The following UBLCP1 variants were observed in gnomAD, a reference collection of about 807,000 sequenced individuals.
UBLCP1 encodes ubiquitin like domain containing CTD phosphatase 1.
UBLCP1 carries 28 observed loss-of-function variants against 42.4 expected under a neutral mutation model. That is an observed-to-expected ratio of 0.66 (90% CI 0.49 to 0.90). The LOEUF is 0.90. Among genes scored for constraint, UBLCP1 ranks in the 40% least tolerant of loss-of-function variants. UBLCP1 has a pLI of 0.00. For synonymous variants in UBLCP1, 122 were observed against 120.8 expected (o/e 1.01, Z -0.07); for missense variants, 279 against 374.5 (o/e 0.75, Z 2.10).
intron 7 of UBLCP1, among the ~76,000 whole-genome samples, 177 bp from the exon 8 acceptor site, chr5:159,274,971 G>T (rs188077111): frequency 6.6e-6 from 1 of 152,000 alleles, no homozygotes; most frequent in Admixed American, 6.5e-5. Flanking sequence ...ATTTTCCTTG[G>T]TTTACCATTT....
At position 159,269,943 on chromosome 5, in the gene UBLCP1, C is replaced by T. The variant is rs748322031; in HGVS notation, c.190C>T (p.Leu64Phe). Reference protein sequence around the residue: ...PAENDVKLGALKLKPNTKIMM... With the variant: ...PAENDVKLGAFKLKPNTKIMM... Reference sequence around the variant, plus strand: ...AGAAAATGATGTTAAGCTTGGAGCTCTCAAACTGAAACCAAATACTAAAAT... The same window carrying T: ...AGAAAATGATGTTAAGCTTGGAGCTTTCAAACTGAAACCAAATACTAAAAT... Residue 64 changes from leucine (L) to phenylalanine (F), a missense_variant, in exon 3 of 11, where the codon CTC becomes TTC. Leu to Phe is a conservative substitution (Grantham distance 22). Transcript: ENST00000296786. 2 of 1,612,936 alleles carry T rather than the reference C, an allele frequency of 1.2e-6. No homozygotes were observed. The highest frequency in any genetic ancestry group is 1.7e-6 in the Non-Finnish European group (2 of 1,179,590).
At position 159,269,955 on chromosome 5, in the gene UBLCP1, C is replaced by G. The variant is rs1369029001; in HGVS notation, c.202C>G (p.Pro68Ala). Reference protein sequence around the residue: ...DVKLGALKLKPNTKIMMMGTR... With the variant: ...DVKLGALKLKANTKIMMMGTR... ...TAAGCTTGGAGCTCTCAAACTGAAA[C>G]CAAATACTAAAATCATGATGATGGG... Residue 68 changes from proline to alanine, a missense_variant, in exon 3 of 11, where the codon CCA (proline) becomes GCA (alanine). Coordinates refer to ENST00000296786, the MANE Select transcript of UBLCP1 (RefSeq NM_145049.5). 1 of 1,612,658 alleles carries G rather than the reference C, an allele frequency of 6.2e-7. No homozygotes were observed. The highest frequency in any genetic ancestry group is 8.5e-7 in the Non-Finnish European group (1 of 1,179,496).
intron 5 of UBLCP1, 47 bp downstream of exon 5, chr5:159,270,690 T>A: frequency 8.4e-7 from 1 of 1,189,278 alleles, no homozygotes; most frequent in Non-Finnish European, 1.2e-6. Context: ...CCACAACAAC[T>A]CTTTTTTTCT....
chr5:159,270,752 G>C lies in UBLCP1; in HGVS notation c.448+109G>C, dbSNP rs543234763. The C allele has an allele frequency of 4.0e-4, 253 of 639,354 alleles. 1 individual carries two copies. Among genetic ancestry groups the C allele is most frequent in the Middle Eastern group, 2.9e-3 (6 of 2,072 alleles). 39.6% of individuals were successfully genotyped at this position (639,354 alleles called of 1,614,324 possible). ...AACTCATGGTTCTCGTGAAATACTT[G>C]AAAACTTTTCTTATTACAAAAGTAA... On this transcript the variant is annotated intron_variant, in intron 5 of 10. Coordinates refer to ENST00000296786, the MANE Select transcript of UBLCP1 (RefSeq NM_145049.5).
chr5:159,271,175 A>T (rs1753461119), intron 5 of UBLCP1, among the ~76,000 whole-genome samples: 5 of 152,142 alleles, frequency 3.3e-5, no homozygotes, highest in Admixed American at 3.3e-4. Flanking sequence ...AAAATTTCTC[A>T]TGTAGGCCAG....
In UBLCP1 at chr5:159,275,199, A is replaced by G; in HGVS notation, c.637A>G (p.Ser213Gly). The G allele has an allele frequency of 6.2e-7, 1 of 1,613,380 alleles. No individual in the cohort carries two copies. The highest frequency in any genetic ancestry group is 8.5e-7 in the Non-Finnish European group (1 of 1,179,840). The change falls in exon 8 of 11, where the codon AGT (serine) becomes GGT (glycine). Residue 213 changes from serine to glycine, a missense_variant. Physicochemically the swap from Ser to Gly is moderately conservative, Grantham distance 56. Transcript: ENST00000296786. ...ANYKITFMLD[S>G]AAMITVHTPR... ...TTATAAGATTACTTTCATGTTGGAT[A>G]GTGCTGCTATGATAACAGTACATAC...
Position 159,275,177 on chromosome 5 carries a change from T to C in UBLCP1, c.615T>C (p.Tyr205=), listed in dbSNP as rs1753518103. ...KELGVSTNAN[Y]KITFMLDSAA... ...TGGGAGTGAGCACAAATGCAAATTATAAGATTACTTTCATGTTGGATAGTG... is the reference window on the plus strand; with the variant it reads ...TGGGAGTGAGCACAAATGCAAATTACAAGATTACTTTCATGTTGGATAGTG... Residue 205 remains tyrosine (Y), a synonymous_variant, in exon 8 of 11, where the codon TAT becomes TAC. Transcript: ENST00000296786. 6.2e-7 allele frequency: 1 copy of C among 1,613,404 alleles called. No individual in the cohort carries two copies. The highest frequency in any genetic ancestry group is 8.5e-7 in the Non-Finnish European group (1 of 1,179,800).
In UBLCP1 at chr5:159,284,917, A is replaced by G. The variant is rs543060746; in HGVS notation, c.943A>G (p.Lys315Glu). ...TATTTCTTGCAGATATCTCTCAAAGAAGCAAGGACAGTAGTTACAAGTTAT... is the reference window on the plus strand; with the variant it reads ...TATTTCTTGCAGATATCTCTCAAAGGAGCAAGGACAGTAGTTACAAGTTAT... ...HKYWERYLSK[K>E]QGQ Residue 315 changes from lysine (K) to glutamate (E), a missense_variant, in exon 11 of 11, where the codon AAG becomes GAG. Coordinates refer to ENST00000296786, the MANE Select transcript of UBLCP1 (RefSeq NM_145049.5). 6.2e-7 allele frequency: 1 copy of G among 1,613,144 alleles called. No individual in the cohort carries two copies. The highest frequency in any genetic ancestry group is 8.5e-7 in the Non-Finnish European group (1 of 1,179,444).
chr5:159,282,135 C>G (rs537944334), intron 9 of UBLCP1, among the ~76,000 whole-genome samples: 2 of 152,060 alleles, frequency 1.3e-5, no homozygotes, highest in African/African-American at 4.8e-5. Context: ...CGCTACTTCC[C>G]TCTCCTTAAT....
intron 8 of UBLCP1, 26 bp downstream of exon 8, chr5:159,275,272 A>C: frequency 6.4e-7 from 1 of 1,562,462 alleles, no homozygotes; most frequent in Non-Finnish European, 8.8e-7. Context: ...ATTTCTATTT[A>C]ATGACACCAT....
chr5:159,264,090 C>T (rs1019959228), intron 1 of UBLCP1, among the ~76,000 whole-genome samples: 4 of 152,186 alleles, frequency 2.6e-5, no homozygotes, highest in South Asian at 4.1e-4. Context: ...TTACTTCATA[C>T]CTTAACACTA....
At chr5:159,271,594 G>A (rs746872115) in intron 5 of UBLCP1, among the ~76,000 whole-genome samples, 15 of 152,292 alleles carry the variant, frequency 9.8e-5, no homozygotes, top group Admixed American at 2.0e-4. Flanking sequence ...ATAAGTTAAT[G>A]TACAGTTTTT....
intron 9 of UBLCP1, among the ~76,000 whole-genome samples, chr5:159,278,769 C>T (rs1198377011): frequency 6.6e-6 from 1 of 152,082 alleles, no homozygotes; most frequent in African/African-American, 2.4e-5. Flanking sequence ...GACAGGGTTT[C>T]ACCATGTTGA....
At chr5:159,272,240 T>C in intron 6 of UBLCP1, 119 bp downstream of exon 6, 1 of 814,820 alleles carries the variant, frequency 1.2e-6, no homozygotes, top group East Asian at 2.7e-5. Context: ...TTTCATTTTT[T>C]AGCAAATTTC....
intron 10 of UBLCP1, 59 bp downstream of exon 10, chr5:159,283,398 T>C (rs1753630709): frequency 7.1e-7 from 1 of 1,411,752 alleles, no homozygotes; most frequent in African/African-American, 1.5e-5. Context: ...AATTATCATT[T>C]TTCATCAGTG....
At chr5:159,266,617 T>G (rs1359725128) in intron 1 of UBLCP1, among the ~76,000 whole-genome samples, 1 of 152,226 alleles carries the variant, frequency 6.6e-6, no homozygotes, top group South Asian at 2.1e-4. Context: ...GTCTCCAGGC[T>G]ATGTCAAAGA....
intron 1 of UBLCP1, among the ~76,000 whole-genome samples, chr5:159,266,021 G>A (rs561332638): frequency 2.0e-5 from 3 of 152,202 alleles, no homozygotes; most frequent in East Asian, 3.9e-4. Flanking sequence ...AGACTAATAC[G>A]GTAAATTGGT....
intron 1 of UBLCP1, among the ~76,000 whole-genome samples, chr5:159,267,660 C>G (rs769850073): frequency 6.6e-5 from 10 of 152,124 alleles, no homozygotes; most frequent in Non-Finnish European, 1.2e-4. Context: ...TCCCATAATT[C>G]CTATGTGTTA....
intron 6 of UBLCP1, among the ~76,000 whole-genome samples, chr5:159,273,117 T>C (rs535741245): frequency 1.3e-5 from 2 of 152,202 alleles, no homozygotes; most frequent in Non-Finnish European, 2.9e-5. Flanking sequence ...TTCCGTTGTT[T>C]GTGATATGTG....
Sources: allele counts gnomAD v4.1 joint callset (sites outside exome capture counted in the v4.1 genomes callset), GRCh38; gene constraint gnomAD v4.1.1; transcripts MANE v1.5; gene names NCBI Gene and HGNC (gene_info 2026-07-23, HGNC 2026-07-21).